SDK2: variants seen among roughly 807,000 people sequenced by gnomAD.
SDK2 encodes the protein sidekick cell adhesion molecule 2.
A neutral mutation model predicts 253.9 loss-of-function variants in SDK2; 105 were observed. The observed-to-expected ratio is 0.41, with a 90% confidence interval of 0.35 to 0.49. The LOEUF (loss-of-function observed/expected upper bound fraction) is 0.49. SDK2 is among the 20% of genes least tolerant of loss of function. The pLI is 0.06. For synonymous variants in SDK2, 1,249 were observed against 1,234.9 expected, an observed-to-expected ratio of 1.01 and a Z score of -0.24; for missense variants, 2,608 against 3,003.0, an observed-to-expected ratio of 0.87 and a Z score of 3.07.
chr17:73,584,847 G>A (rs931591394), intron 1 of SDK2, among the ~76,000 whole-genome samples: 5 of 152,226 alleles, frequency 3.3e-5, no homozygotes, highest in African/African-American at 9.6e-5. Flanking sequence ...CCTGGCCCTC[G>A]AGTCTCTACA....
intron 37 of SDK2, among the ~76,000 whole-genome samples, chr17:73,367,750 T>G (rs2062698181): frequency 6.6e-6 from 1 of 151,968 alleles, no homozygotes; most frequent in South Asian, 2.1e-4. Flanking sequence ...GTGATCCACC[T>G]GCCTTGGCTT....
intron 3 of SDK2, among the ~76,000 whole-genome samples, chr17:73,457,241 TC>T (rs2063532342): frequency 1.9e-5 from 1 of 53,088 alleles, no homozygotes; most frequent in Non-Finnish European, 3.4e-5. Flanking sequence ...CTTCCTTCCT[TC>T]CTTCCTTCCT....
intron 38 of SDK2, among the ~76,000 whole-genome samples, chr17:73,364,837 G>A (rs946558385): frequency 2.0e-5 from 3 of 152,044 alleles, no homozygotes; most frequent in Non-Finnish European, 4.4e-5. Context: ...GGCCAGGCTG[G>A]TCTTGGAACT....
intron 3 of SDK2, among the ~76,000 whole-genome samples, chr17:73,460,192 C>T (rs1328358015): frequency 1.3e-5 from 2 of 152,208 alleles, no homozygotes; most frequent in Non-Finnish European, 2.9e-5. Context: ...CCCTTGGAAT[C>T]CAGTCACCAT....
At chr17:73,471,561 G>C (rs895986005) in intron 3 of SDK2, among the ~76,000 whole-genome samples, 1 of 152,160 alleles carries the variant, frequency 6.6e-6, no homozygotes, top group African/African-American at 2.4e-5. Context: ...TTGCACCACT[G>C]AACTCCAGCC....
At chr17:73,555,088 G>A (rs1049081469) in intron 1 of SDK2, among the ~76,000 whole-genome samples, 7 of 152,254 alleles carry the variant, frequency 4.6e-5, no homozygotes, top group African/African-American at 1.7e-4. Context: ...TCCAGCCCTG[G>A]TGAACCCTAG....
At chr17:73,469,990 GCGCACACACACA>G (rs1344495946) in intron 3 of SDK2, among the ~76,000 whole-genome samples, 187 of 105,680 alleles carry the variant, frequency 1.8e-3, no homozygotes, top group African/African-American at 6.7e-3. Context: ...CTGCGCGCGC[GCGCACACACACA>G]CACACACACA....
rs1435836699 is a variant in SDK2, at chr17:73,584,495, G to A, written c.64+59530C>T. On this transcript the variant is annotated intron_variant, in intron 1 of 44. Coordinates refer to ENST00000392650, the MANE Select transcript of SDK2 (RefSeq NM_001144952.2). ...GAGGGAAACAGTCAGCTCCGAGGGC[G>A]GGACTGTGCCACCTCCGCCTTGCCC... Among the ~76,000 whole-genome samples, 4 of 152,324 alleles carry A rather than the reference G, an allele frequency of 2.6e-5. No individual in the cohort carries two copies. In the South Asian group the frequency reaches 6.2e-4, roughly 24 times the overall value.
At chr17:73,356,263 G>A (rs917017499) in intron 40 of SDK2, among the ~76,000 whole-genome samples, 1 of 152,202 alleles carries the variant, frequency 6.6e-6, no homozygotes, top group East Asian at 1.9e-4. Context: ...CAGAAGCTGG[G>A]ATCTCCTGCC....
chr17:73,471,971 T>C, intron 3 of SDK2, 141 bp downstream of exon 3: 2 of 638,888 alleles, frequency 3.1e-6, no homozygotes, highest in Non-Finnish European at 5.5e-6. Flanking sequence ...AAAATGAGGT[T>C]GCTGGCTGGA....
chr17:73,365,152 C>T (rs1228855360), intron 38 of SDK2, 106 bp downstream of exon 38: 4 of 795,592 alleles, frequency 5.0e-6, no homozygotes, highest in African/African-American at 3.6e-5. Flanking sequence ...GATGGGGAGA[C>T]TCTCACCGAA....
chr17:73,411,111 G>C (rs914756799), intron 18 of SDK2, among the ~76,000 whole-genome samples: 1 of 151,934 alleles, frequency 6.6e-6, no homozygotes, highest in Non-Finnish European at 1.5e-5. Context: ...CCGGCAGCGA[G>C]TGCTCCAAGA....
At chr17:73,406,453 T>C (rs926960399) in intron 18 of SDK2, among the ~76,000 whole-genome samples, 1 of 152,076 alleles carries the variant, frequency 6.6e-6, no homozygotes, top group African/African-American at 2.4e-5. Context: ...TTTCACTATG[T>C]TGGCCATGGT....
At chr17:73,640,271 G>C (rs1222567672) in intron 1 of SDK2, among the ~76,000 whole-genome samples, 1 of 151,522 alleles carries the variant, frequency 6.6e-6, no homozygotes, top group African/African-American at 2.4e-5. Context: ...TGTGTGTGGG[G>C]GGGTCGAGGG....
At chr17:73,449,973 A>T (rs2063480340) in intron 4 of SDK2, among the ~76,000 whole-genome samples, 2 of 152,186 alleles carry the variant, frequency 1.3e-5, no homozygotes, top group Admixed American at 1.3e-4. Context: ...AAAAAACAGG[A>T]GAGTCCTTTT....
intron 4 of SDK2, among the ~76,000 whole-genome samples, chr17:73,451,414 G>C (rs1206924688): frequency 6.6e-6 from 1 of 152,238 alleles, no homozygotes; most frequent in South Asian, 2.1e-4. Flanking sequence ...TGAGGCAGGA[G>C]AATTGCTTGA....
At chr17:73,459,598 C>T (rs1272000252) in intron 3 of SDK2, among the ~76,000 whole-genome samples, 1 of 152,210 alleles carries the variant, frequency 6.6e-6, no homozygotes, top group Non-Finnish European at 1.5e-5. Flanking sequence ...ACTTGGTAGA[C>T]AGTGTGTGTA....
chr17:73,355,202 A>G (rs111252423), intron 40 of SDK2, among the ~76,000 whole-genome samples: 1 of 57,350 alleles, frequency 1.7e-5, no homozygotes, highest in Non-Finnish European at 3.2e-5. Flanking sequence ...TTTTAGACGG[A>G]GTCTCACTCT....
chr17:73,414,634 C>A lies in SDK2; in HGVS notation c.2484+10G>T. 1 of 1,606,194 alleles carries A rather than the reference C, an allele frequency of 6.2e-7. No homozygotes were observed. The highest frequency in any genetic ancestry group is 8.5e-7 in the Non-Finnish European group (1 of 1,172,886). Reference sequence around the variant, plus strand: ...GGGCCTCCTCTTGGGTGAGGAGATGCCTCATGTACCTTGTAGCCCTGGTTG... The same window carrying A: ...GGGCCTCCTCTTGGGTGAGGAGATGACTCATGTACCTTGTAGCCCTGGTTG... On this transcript the variant is annotated intron_variant, in intron 18 of 44. Coordinates refer to ENST00000392650, the MANE Select transcript of SDK2 (RefSeq NM_001144952.2).
Sources: allele counts gnomAD v4.1 joint callset (sites outside exome capture counted in the v4.1 genomes callset), GRCh38; gene constraint gnomAD v4.1.1; transcripts MANE v1.5; gene names NCBI Gene and HGNC (gene_info 2026-07-23, HGNC 2026-07-21).